Variants in ARHGAP32 observed in about 807,000 individuals in gnomAD.
ARHGAP32 encodes the protein rho GTPase-activating protein 32.
Under a neutral mutation model 186.5 loss-of-function variants are expected in ARHGAP32, and 51 were observed. That is an observed-to-expected ratio of 0.27 (90% CI 0.22 to 0.35). ARHGAP32 has a LOEUF of 0.35. ARHGAP32 is among the 10% of genes least tolerant of loss of function. The pLI is 1.00. For synonymous variants in ARHGAP32, 950 were observed against 964.3 expected, an observed-to-expected ratio of 0.99 and a Z score of 0.27; for missense variants, 2,186 against 2,623.5, an observed-to-expected ratio of 0.83 and a Z score of 3.64.
intron 1 of ARHGAP32, among the ~76,000 whole-genome samples, chr11:129,243,083 C>T (rs1363511571): frequency 6.6e-6 from 1 of 152,204 alleles, no homozygotes; most frequent in Non-Finnish European, 1.5e-5. Flanking sequence ...TTACCCCCTA[C>T]ATAGCACCAA....
At chr11:129,241,927 T>C (rs1945023347) in intron 1 of ARHGAP32, among the ~76,000 whole-genome samples, 1 of 152,170 alleles carries the variant, frequency 6.6e-6, no homozygotes, top group Non-Finnish European at 1.5e-5. Flanking sequence ...TATTTACAAA[T>C]AGGGTGGTAA....
intron 11 of ARHGAP32, among the ~76,000 whole-genome samples, chr11:129,013,305 A>G (rs1938177789): frequency 6.6e-6 from 1 of 152,214 alleles, no homozygotes; most frequent in African/African-American, 2.4e-5. Flanking sequence ...ACCTTTCCAC[A>G]AAACATTGCT....
chr11:129,236,292 GT>G (rs1251309252), intron 1 of ARHGAP32, among the ~76,000 whole-genome samples: 2 of 152,028 alleles, frequency 1.3e-5, no homozygotes, highest in Non-Finnish European at 2.9e-5. Context: ...TTGCACAGTG[GT>G]TTTGATTTGC....
intron 15 of ARHGAP32, among the ~76,000 whole-genome samples, chr11:128,983,229 G>A (rs1945760361): frequency 6.6e-6 from 1 of 152,154 alleles, no homozygotes; most frequent in South Asian, 2.1e-4. Context: ...AGGTCAGAGT[G>A]GCTCCAAAGT....
At chr11:129,000,155 C>T (rs1946316497) in intron 11 of ARHGAP32, among the ~76,000 whole-genome samples, 1 of 152,070 alleles carries the variant, frequency 6.6e-6, no homozygotes, top group African/African-American at 2.4e-5. Context: ...TCAGATAGTC[C>T]ATTAACATTC....
At chr11:129,241,634 G>A (rs896447679) in intron 1 of ARHGAP32, among the ~76,000 whole-genome samples, 1 of 152,150 alleles carries the variant, frequency 6.6e-6, no homozygotes, top group African/African-American at 2.4e-5. Context: ...AACAGGGCAA[G>A]ACCCCATGCA....
chr11:129,189,406 AG>A (rs1376227255), intron 1 of ARHGAP32, among the ~76,000 whole-genome samples: 2 of 152,228 alleles, frequency 1.3e-5, no homozygotes, highest in African/African-American at 4.8e-5. Context: ...CACTGTATAA[AG>A]CATATATATG....
chr11:129,137,538 T>C (rs1942962645), intron 2 of ARHGAP32, among the ~76,000 whole-genome samples: 1 of 151,980 alleles, frequency 6.6e-6, no homozygotes. Context: ...TAGTGGGATA[T>C]GTCCTAGAGA....
At chr11:129,112,918 C>T (rs1282883379) in intron 5 of ARHGAP32, among the ~76,000 whole-genome samples, 1 of 152,138 alleles carries the variant, frequency 6.6e-6, no homozygotes, top group Non-Finnish European at 1.5e-5. Context: ...ACAAAAAGTG[C>T]AAGATGTTCA....
intron 11 of ARHGAP32, among the ~76,000 whole-genome samples, chr11:129,026,515 G>C (rs1317286252): frequency 1.3e-5 from 2 of 152,132 alleles, no homozygotes; most frequent in South Asian, 2.1e-4. Flanking sequence ...CTTGAGTGGG[G>C]CTGGGCACAG....
intron 6 of ARHGAP32, among the ~76,000 whole-genome samples, chr11:129,078,785 AC>A (rs1300174777): frequency 6.6e-6 from 1 of 152,130 alleles, no homozygotes; most frequent in Non-Finnish European, 1.5e-5. Context: ...GAGCCACCGT[AC>A]CCGGCCAGAA....
At position 128,968,944 on chromosome 11, in the gene ARHGAP32, G is replaced by A. The variant is rs746147565; in HGVS notation, c.6269C>T (p.Ser2090Phe). 3.2e-6 allele frequency: 5 copies of A among 1,553,530 alleles called. No individual in the cohort carries two copies. The highest frequency in any genetic ancestry group is 2.3e-5 in the East Asian group (1 of 43,972). The part of the protein sequence containing the change: ...GQGAFLPAEL[S>F]LQHPETQIHA... ...GATCTGTGTTTCAGGATGCTGCAAG[G>A]ACAACTCTGCGGGCAGGAAGGCCCC... Residue 2090 changes from serine to phenylalanine, a missense_variant, in exon 23 of 23, where the codon TCC (serine) becomes TTC (phenylalanine). Ser to Phe is a radical substitution (Grantham distance 155). Around this residue, in one of 5 missense-constraint regions of ARHGAP32, gnomAD observed 1,502 missense variants for 1,570.0 expected, o/e 0.96. Transcript: ENST00000682385.
chr11:128,969,571 A>C lies in ARHGAP32; in HGVS notation c.5642T>G (p.Leu1881Arg). 6.2e-7 allele frequency: 1 copy of C among 1,614,110 alleles called. No homozygotes were observed. The highest frequency in any genetic ancestry group is 8.5e-7 in the Non-Finnish European group (1 of 1,180,030). The change falls in exon 23 of 23, where the codon CTT (leucine) becomes CGT (arginine). Residue 1881 changes from leucine to arginine, a missense_variant. This residue lies in a region of ARHGAP32 where 1,502 missense variants were observed against 1,570.0 expected (regional missense o/e 0.96). Transcript: ENST00000682385. The surrounding 1 kb of genome is among the most constrained non-coding windows in gnomAD (Gnocchi z 4.8). ...AGGAAGACTGCAGCCCATGTCAGGA[A>C]GCTTCCTGCTCCTCAGGCTGCTCTG... The part of the protein sequence containing the change: ...QKQSSLRSRK[L>R]PDMGCSLPEH...
rs3809007 is a variant in ARHGAP32, at chr11:129,024,666, T to C, written c.1045+16262A>G. ...AAAAATAAAAAAGGTTTCTTCAGAATGGGAAATCCAGAATTAAACAAGTTT... is the reference window on the plus strand; with the variant it reads ...AAAAATAAAAAAGGTTTCTTCAGAACGGGAAATCCAGAATTAAACAAGTTT... On this transcript the variant is annotated intron_variant, in intron 11 of 22. Coordinates refer to ENST00000682385, the MANE Select transcript of ARHGAP32 (RefSeq NM_001378024.1). Among the ~76,000 whole-genome samples the C allele has an allele frequency of 6.7e-4, 102 of 152,330 alleles. No individual in the cohort carries two copies. In the East Asian group the frequency reaches 0.017, roughly 26 times the overall value.
Position 129,245,491 on chromosome 11 carries a change from C to G in ARHGAP32, c.-5+33655G>C, listed in dbSNP as rs1378307916. On this transcript the variant is annotated intron_variant, in intron 1 of 6. Coordinates refer to the ARHGAP32 transcript ENST00000525234. ...GGAGGGATAGCATTGGGAGATATACCTAATGCTAGATGACGAGTTAGTGGG... is the reference window on the plus strand; with the variant it reads ...GGAGGGATAGCATTGGGAGATATACGTAATGCTAGATGACGAGTTAGTGGG... Among the ~76,000 whole-genome samples, 3 of 149,966 alleles carry G rather than the reference C, an allele frequency of 2.0e-5. No individual in the cohort carries two copies. In the East Asian group the frequency reaches 5.9e-4, roughly 29 times the overall value.
At position 128,989,646 on chromosome 11, in the gene ARHGAP32, G is replaced by A. The variant is rs185635811; in HGVS notation, c.1196-1521C>T. ...TACGTAAGTATACACATGCCATGGT[G>A]GTTTGCTGCACCCATCAACCCATCA... On this transcript the variant is annotated intron_variant, in intron 12 of 22. Coordinates refer to ENST00000682385, the MANE Select transcript of ARHGAP32 (RefSeq NM_001378024.1). Among the ~76,000 whole-genome samples, 741 of 151,860 alleles carry A rather than the reference G, an allele frequency of 4.9e-3. 4 individuals carry two copies. Among genetic ancestry groups the A allele is most frequent in the Non-Finnish European group, 7.0e-3 (475 of 67,966 alleles).
intron 1 of ARHGAP32, among the ~76,000 whole-genome samples, chr11:129,198,460 A>C (rs907692840): frequency 6.6e-6 from 1 of 152,162 alleles, no homozygotes; most frequent in African/African-American, 2.4e-5. Context: ...AGACAACTGA[A>C]TCATGGGGGT....
chr11:129,034,862 AAAG>A (rs1415808037), intron 11 of ARHGAP32, among the ~76,000 whole-genome samples: 22 of 151,792 alleles, frequency 1.4e-4, no homozygotes, highest in Admixed American at 1.4e-3. Context: ...AAAAAAAAAA[AAAG>A]AAAAAACAGA....
chr11:129,160,456 T>C (rs973829180), intron 2 of ARHGAP32, among the ~76,000 whole-genome samples: 2 of 152,068 alleles, frequency 1.3e-5, no homozygotes, highest in South Asian at 2.1e-4. Flanking sequence ...TATACACCAA[T>C]AATAGACAAA....
Sources: gnomAD v4.1 joint callset for allele counts (sites outside exome capture counted in the v4.1 genomes callset) on GRCh38, gnomAD v4.1.1 for gene constraint, gnomAD v4.1.1 regional missense constraint, Gnocchi (gnomAD v3.1) non-coding constraint, MANE v1.5 for transcripts, NCBI Gene and HGNC (gene_info 2026-07-23, HGNC 2026-07-21) for gene names.